PCDH15: variants seen among roughly 807,000 people sequenced by gnomAD.
PCDH15 encodes the protein protocadherin related 15.
In PCDH15, 129 loss-of-function variants were observed where a neutral mutation model predicts 178.5. The observed-to-expected ratio is 0.72, with a 90% CI of 0.63 to 0.84. The LOEUF is 0.84. PCDH15 is among the 40% of genes least tolerant of loss of function. The pLI is 0.00. For missense variants in PCDH15, 2,230 were observed against 2,099.9 expected (o/e 1.06, Z -1.21); for synonymous variants, 800 against 732.0 (o/e 1.09, Z -1.50).
intron 1 of PCDH15, among the ~76,000 whole-genome samples, chr10:54,744,198 C>T (rs1591400296): frequency 6.6e-6 from 1 of 152,026 alleles, no homozygotes; most frequent in East Asian, 1.9e-4. Flanking sequence ...TGAGTCCCAC[C>T]AACAGCTACT....
At chr10:54,942,262 C>T (rs1014193916) in intron 2 of PCDH15, among the ~76,000 whole-genome samples, 1 of 152,028 alleles carries the variant, frequency 6.6e-6, no homozygotes, top group East Asian at 1.9e-4. Context: ...TTAGGAACCA[C>T]AGATATGCTT....
At chr10:54,202,830 A>AAAAAG in intron 10 of PCDH15, among the ~76,000 whole-genome samples, 1 of 151,544 alleles carries the variant, frequency 6.6e-6, no homozygotes, top group African/African-American at 2.4e-5. Flanking sequence ...AAAAAAAAAA[A>AAAAAG]AGTAGTTTCC....
intron 2 of PCDH15, among the ~76,000 whole-genome samples, chr10:54,648,448 T>C (rs901333080): frequency 2.0e-5 from 3 of 152,132 alleles, no homozygotes; most frequent in Non-Finnish European, 2.9e-5. Flanking sequence ...AAGATGAGAT[T>C]TTCATCTGTT....
intron 2 of PCDH15, among the ~76,000 whole-genome samples, chr10:55,120,973 C>A (rs1837752340): frequency 6.6e-6 from 1 of 152,136 alleles, no homozygotes; most frequent in African/African-American, 2.4e-5. Context: ...GCTGCCCTTT[C>A]CAATGTTTAA....
Position 54,827,951 on chromosome 10 carries a change from T to C in PCDH15, c.-29+69499A>G, listed in dbSNP as rs1422298054. Among the ~76,000 whole-genome samples, 4 of 152,068 alleles carry C rather than the reference T, an allele frequency of 2.6e-5. No individual in the cohort carries two copies. In the East Asian group the frequency reaches 7.7e-4, roughly 29 times the overall value. On this transcript the variant is annotated intron_variant, in intron 3 of 5. Coordinates refer to the PCDH15 transcript ENST00000458638. ...TAAACATTATATACCAACATATATG[T>C]AATCTTACATTATATACATAGATAT...
chr10:54,860,661 T>C (rs974521660), intron 3 of PCDH15, among the ~76,000 whole-genome samples: 3 of 152,178 alleles, frequency 2.0e-5, no homozygotes, highest in African/African-American at 7.2e-5. Flanking sequence ...TTGGGGTGTA[T>C]ACCCAGTAAT....
At chr10:55,528,353 T>C (rs1841354437) in intron 2 of PCDH15, among the ~76,000 whole-genome samples, 1 of 152,038 alleles carries the variant, frequency 6.6e-6, no homozygotes, top group South Asian at 2.1e-4. Flanking sequence ...ATTAGGCATA[T>C]CTCCTAATGC....
Position 55,068,490 on chromosome 10 carries a change from C to T in PCDH15, c.-80+98086G>A, listed in dbSNP as rs12264277. ...TATAAATGCCATGCTCTTTTGTTCACCATAGGCGTGCACTATGCTTTGAAA... is the reference window on the plus strand; with the variant it reads ...TATAAATGCCATGCTCTTTTGTTCATCATAGGCGTGCACTATGCTTTGAAA... On this transcript the variant is annotated intron_variant, in intron 2 of 5. Coordinates refer to the PCDH15 transcript ENST00000458638. Among the ~76,000 whole-genome samples, 350 of 152,136 alleles carry T rather than the reference C, an allele frequency of 2.3e-3. 2 individuals are homozygous for T. The highest frequency in any genetic ancestry group is 7.9e-3 in the African/African-American group (330 of 41,546).
At chr10:53,892,033 T>G (rs1421907998) in intron 26 of PCDH15, among the ~76,000 whole-genome samples, 4 of 147,836 alleles carry the variant, frequency 2.7e-5, no homozygotes, top group East Asian at 2.0e-4. Context: ...TTTTTTTTTT[T>G]TTTTTTTTTT....
At chr10:55,590,443 C>T (rs555801743) in intron 2 of PCDH15, among the ~76,000 whole-genome samples, 5 of 151,380 alleles carry the variant, frequency 3.3e-5, no homozygotes, top group African/African-American at 1.2e-4. Context: ...TCACATGCAC[C>T]CTAAAACTTA....
At position 54,022,969 on chromosome 10, in the gene PCDH15, G is replaced by A. The variant is rs759961676; in HGVS notation, c.2449C>T (p.Pro817Ser). Residue 817 changes from proline (P) to serine (S), a missense_variant, in exon 19 of 38, where the codon CCT (proline) becomes TCT (serine). Physicochemically the swap from Pro to Ser is moderately conservative, Grantham distance 74. Transcript: ENST00000644397. ...IKVLDIDDNS[P>S]VFTNSTYTVL... ...GTGTATGTTGAATTGGTGAACACAG[G>A]ACTGTTATCATCAATGTCCAAAACC... 9 of 1,613,898 alleles carry A rather than the reference G, an allele frequency of 5.6e-6. No individual in the cohort carries two copies. Among genetic ancestry groups the A allele is most frequent in the South Asian group, 5.5e-5 (5 of 91,076 alleles).
At chr10:54,818,002 C>T (rs1279373006) in intron 3 of PCDH15, among the ~76,000 whole-genome samples, 1 of 151,948 alleles carries the variant, frequency 6.6e-6, no homozygotes, top group Non-Finnish European at 1.5e-5. Flanking sequence ...TCTTTATAAC[C>T]TCCCTGATCT....
chr10:55,013,296 C>T (rs992618583), intron 2 of PCDH15, among the ~76,000 whole-genome samples: 1 of 152,090 alleles, frequency 6.6e-6, no homozygotes, highest in Non-Finnish European at 1.5e-5. Context: ...TGCACAGTAC[C>T]TGAAAAAATC....
intron 15 of PCDH15, among the ~76,000 whole-genome samples, chr10:54,128,612 C>T (rs949335413): frequency 6.6e-6 from 1 of 152,114 alleles, no homozygotes; most frequent in African/African-American, 2.4e-5. Context: ...CAATTTCAAC[C>T]TCACCTATTT....
chr10:54,169,406 C>T (rs1225142520), intron 13 of PCDH15, among the ~76,000 whole-genome samples: 1 of 135,904 alleles, frequency 7.4e-6, no homozygotes, highest in African/African-American at 2.7e-5. Context: ...TGGGTATTGA[C>T]GGCCAGGCTT....
At chr10:55,099,415 A>T (rs569107937) in intron 2 of PCDH15, among the ~76,000 whole-genome samples, 2 of 152,128 alleles carry the variant, frequency 1.3e-5, no homozygotes, top group Non-Finnish European at 2.9e-5. Flanking sequence ...TAAAAGAAAA[A>T]AATCTGAACT....
chr10:55,400,929 G>A (rs1224895286), intron 2 of PCDH15, among the ~76,000 whole-genome samples: 1 of 152,024 alleles, frequency 6.6e-6, no homozygotes, highest in Admixed American at 6.6e-5. Flanking sequence ...GTACGTAGTG[G>A]GTGGCGTGGG....
chr10:55,624,107 G>A (rs1260676269), intron 2 of PCDH15, among the ~76,000 whole-genome samples: 2 of 151,480 alleles, frequency 1.3e-5, no homozygotes, highest in East Asian at 1.9e-4. Flanking sequence ...CAGAAATTCT[G>A]GATGCTCTGT....
chr10:55,615,412 T>C (rs1205390113), intron 2 of PCDH15, among the ~76,000 whole-genome samples: 1 of 152,186 alleles, frequency 6.6e-6, no homozygotes, highest in Non-Finnish European at 1.5e-5. Flanking sequence ...AATCATAGTT[T>C]TTAACTCAGT....
Sources: gnomAD v4.1 joint callset for allele counts (sites outside exome capture counted in the v4.1 genomes callset) on GRCh38, gnomAD v4.1.1 for gene constraint, MANE v1.5 for transcripts, NCBI Gene and HGNC (gene_info 2026-07-23, HGNC 2026-07-21) for gene names.